Variants in SDC2 observed in about 807,000 individuals in gnomAD.
SDC2 encodes syndecan 2.
Under a neutral mutation model 22.2 loss-of-function variants are expected in SDC2, and 13 were observed. The observed-to-expected ratio is 0.59, with a 90% CI of 0.38 to 0.93. The LOEUF is 0.93. SDC2 is among the 40% of genes least tolerant of loss of function. The probability of loss-of-function intolerance (pLI) is 0.00; values close to 1 mark genes in which losing one functional copy is unlikely to be tolerated. For missense variants in SDC2, 235 were observed against 246.8 expected (o/e 0.95, Z 0.32); for synonymous variants, 94 against 92.8 (o/e 1.01, Z -0.07).
At chr8:96,564,366 A>G (rs775210835) in intron 1 of SDC2, among the ~76,000 whole-genome samples, 58 of 152,288 alleles carry the variant, frequency 3.8e-4, no homozygotes, top group Admixed American at 7.2e-4. Flanking sequence ...GGGGGATGGG[A>G]TGTCCAAGGG....
intron 1 of SDC2, among the ~76,000 whole-genome samples, chr8:96,589,293 G>C (rs574287974): frequency 1.2e-4 from 19 of 152,158 alleles, no homozygotes; most frequent in Non-Finnish European, 2.6e-4. Context: ...TGGTGCCTGG[G>C]GTTTGGGTAG....
chr8:96,532,497 A>G (rs1375081757), intron 1 of SDC2, among the ~76,000 whole-genome samples: 1 of 133,444 alleles, frequency 7.5e-6, no homozygotes, highest in Non-Finnish European at 1.5e-5. Context: ...TGGGTAAAAT[A>G]TTTTTTCCCT....
intron 1 of SDC2, among the ~76,000 whole-genome samples, chr8:96,587,566 TAATG>T (rs2130621177): frequency 6.6e-6 from 1 of 152,282 alleles, no homozygotes; most frequent in South Asian, 2.1e-4. Flanking sequence ...TACTAAAAAT[TAATG>T]AATGACAATT....
rs879561682 is a variant in SDC2 at position 96,496,597 on chromosome 8, A to C, written c.60+2266A>C. On this transcript the variant is annotated intron_variant, in intron 1 of 4. Transcript: ENST00000302190. ...TAAATGAAGTCAAAAGACTGAATTT[A>C]AAAAAAAATTAGCAATTACAGAATA... Among the ~76,000 whole-genome samples the C allele has an allele frequency of 2.7e-5, 4 of 147,966 alleles. No homozygotes were observed. The East Asian group carries it at 7.7e-4, about 29-fold the overall frequency.
At chr8:96,499,763 T>TA (rs60288066) in intron 1 of SDC2, among the ~76,000 whole-genome samples, 1 of 91,376 alleles carries the variant, frequency 1.1e-5, no homozygotes, top group East Asian at 2.3e-4. Flanking sequence ...TCTCTTGGCC[T>TA]TTTTTTTTTT....
chr8:96,494,313 C>G lies in SDC2; in HGVS notation c.42C>G (p.Ala14=), dbSNP rs1336327652. The change falls in exon 1 of 5, where the codon GCC becomes GCG. Residue 14 remains alanine, a synonymous_variant. Coordinates refer to ENST00000302190, the MANE Select transcript of SDC2 (RefSeq NM_002998.4). The stretch of plus-strand genomic sequence containing the variant: ...TCCTGCTCACCTTGGGCTTGGTGGC[C>G]TGCGTGTCGGCGGAGTCGGTGAGTG... The part of the protein sequence containing the change: ...AWILLTLGLV[A]CVSAESRAEL... 4 of 1,545,256 alleles carry G rather than the reference C, an allele frequency of 2.6e-6. No individual in the cohort carries two copies. Among genetic ancestry groups the G allele is most frequent in the Non-Finnish European group, 3.5e-6 (4 of 1,149,376 alleles).
At chr8:96,573,734 G>A (rs1183563143) in intron 1 of SDC2, among the ~76,000 whole-genome samples, 1 of 151,996 alleles carries the variant, frequency 6.6e-6, no homozygotes, top group African/African-American at 2.4e-5. Context: ...CTCCAGTCAA[G>A]CCCCTCTAAT....
At chr8:96,508,790 C>G (rs140460445) in intron 1 of SDC2, among the ~76,000 whole-genome samples, 1 of 142,082 alleles carries the variant, frequency 7.0e-6, no homozygotes, top group East Asian at 2.0e-4. Context: ...AATAGTCTTT[C>G]TATGATACTG....
At chr8:96,503,926 C>A (rs896662807) in intron 1 of SDC2, among the ~76,000 whole-genome samples, 1 of 152,046 alleles carries the variant, frequency 6.6e-6, no homozygotes, top group Non-Finnish European at 1.5e-5. Flanking sequence ...CCAATGTCAT[C>A]TATATTAGAT....
At position 96,501,295 on chromosome 8, in the gene SDC2, C is replaced by CTTTT. The variant is rs35998270; in HGVS notation, c.60+6990_60+6993dup. ...TAAGGGAAAAGTTAAATACGTATTT[C>CTTTT]TTTTTTTTTTTTTTTTTTTTTTTTT... On this transcript the variant is annotated intron_variant, in intron 1 of 4. Coordinates refer to ENST00000302190, the MANE Select transcript of SDC2 (RefSeq NM_002998.4). Among the ~76,000 whole-genome samples, 37 of 55,164 alleles carry CTTTT rather than the reference C, an allele frequency of 6.7e-4. 1 individual carries two copies. Among genetic ancestry groups the CTTTT allele is most frequent in the East Asian group, 5.7e-4 (1 of 1,762 alleles). 36.2% of individuals were successfully genotyped at this position (55,164 alleles called of 152,430 possible). A position where few individuals can be genotyped will look rare whatever the true frequency, so the allele number is the denominator to read the frequency against.
intron 1 of SDC2, among the ~76,000 whole-genome samples, chr8:96,574,533 A>G (rs1198316983): frequency 6.6e-6 from 1 of 152,148 alleles, no homozygotes; most frequent in Non-Finnish European, 1.5e-5. Flanking sequence ...CCAAGCAACA[A>G]CCAGGCAAGA....
Position 96,589,486 on chromosome 8 carries a change from C to T in SDC2, c.61-3994C>T, listed in dbSNP as rs147388520. Among the ~76,000 whole-genome samples the T allele has an allele frequency of 9.8e-3, 1,491 of 152,324 alleles. 23 individuals carry two copies. The highest frequency in any genetic ancestry group is 0.033 in the African/African-American group (1,364 of 41,568). On this transcript the variant is annotated intron_variant, in intron 1 of 4. Transcript: ENST00000302190. ...GGAGTACAGTGGCGCAGTCTTGGCTCACTGCAGCCTCTGCCTCCCAGGTTC... is the reference window on the plus strand; with the variant it reads ...GGAGTACAGTGGCGCAGTCTTGGCTTACTGCAGCCTCTGCCTCCCAGGTTC...
At chr8:96,558,048 A>G (rs1344951987) in intron 1 of SDC2, among the ~76,000 whole-genome samples, 3 of 152,180 alleles carry the variant, frequency 2.0e-5, no homozygotes, top group Admixed American at 6.5e-5. Flanking sequence ...ATGAGTAGTT[A>G]GAGCAGTTCT....
At chr8:96,537,660 A>G (rs1813775580) in intron 1 of SDC2, among the ~76,000 whole-genome samples, 1 of 152,076 alleles carries the variant, frequency 6.6e-6, no homozygotes, top group African/African-American at 2.4e-5. Flanking sequence ...GCTTTGGGAT[A>G]TTTTGGTTAT....
chr8:96,548,629 A>C (rs1170037956), intron 1 of SDC2, among the ~76,000 whole-genome samples: 1 of 152,066 alleles, frequency 6.6e-6, no homozygotes, highest in Non-Finnish European at 1.5e-5. Context: ...CCTGTACTTT[A>C]CTCCAACACT....
At chr8:96,569,120 C>G (rs933449045) in intron 1 of SDC2, among the ~76,000 whole-genome samples, 1 of 152,296 alleles carries the variant, frequency 6.6e-6, no homozygotes, top group South Asian at 2.1e-4. Flanking sequence ...AGTGATCCTC[C>G]TCTCAGCCTC....
intron 1 of SDC2, among the ~76,000 whole-genome samples, chr8:96,571,405 G>T (rs1194214221): frequency 6.6e-6 from 1 of 152,206 alleles, no homozygotes; most frequent in African/African-American, 2.4e-5. Flanking sequence ...GATCACCGGG[G>T]TCTTATGGGC....
intron 2 of SDC2, among the ~76,000 whole-genome samples, chr8:96,598,382 G>A (rs1586323207): frequency 6.6e-6 from 1 of 152,188 alleles, no homozygotes; most frequent in Non-Finnish European, 1.5e-5. Context: ...AGCAGTTTGG[G>A]AGGCTGAGGT....
chr8:96,514,619 A>G (rs1813375092), intron 1 of SDC2, among the ~76,000 whole-genome samples: 1 of 152,118 alleles, frequency 6.6e-6, no homozygotes, highest in Admixed American at 6.6e-5. Flanking sequence ...CCTTTCTGGC[A>G]CCAGGGACTG....
Sources: gnomAD v4.1 joint callset for allele counts (sites outside exome capture counted in the v4.1 genomes callset) on GRCh38, gnomAD v4.1.1 for gene constraint, MANE v1.5 for transcripts, NCBI Gene and HGNC (gene_info 2026-07-23, HGNC 2026-07-21) for gene names.